Variants in MTBP observed in about 807,000 individuals in gnomAD.
MTBP encodes the protein MDM2 binding protein, also known as mdm2-binding protein.
In MTBP, 101 loss-of-function variants were observed where a neutral mutation model predicts 117.0. That is an observed-to-expected ratio of 0.86 (90% CI 0.73 to 1.02). The LOEUF is 1.02. Among genes scored for constraint, MTBP ranks in the 50% least tolerant of loss-of-function variants. MTBP has a pLI of 0.00. For missense variants in MTBP, 970 were observed against 1,030.9 expected, an observed-to-expected ratio of 0.94 and a Z score of 0.81; for synonymous variants, 350 against 351.5, an observed-to-expected ratio of 1.00 and a Z score of 0.05.
At chr8:120,455,111 A>G (rs960694283) in intron 5 of MTBP, among the ~76,000 whole-genome samples, 1 of 151,882 alleles carries the variant, frequency 6.6e-6, no homozygotes, top group Non-Finnish European at 1.5e-5. Flanking sequence ...ATTGATGATC[A>G]TGAGAGTGAT....
At chr8:120,473,372 G>A (rs1813863337) in intron 11 of MTBP, 1 of 152,122 alleles carries the variant, frequency 6.6e-6, no homozygotes, top group South Asian at 2.1e-4. Context: ...ACCCTAGCAA[G>A]TTATCGTTAA....
intron 11 of MTBP, among the ~76,000 whole-genome samples, chr8:120,478,374 A>C (rs1386474481): frequency 1.3e-5 from 2 of 152,042 alleles, no homozygotes; most frequent in South Asian, 4.2e-4. Flanking sequence ...CATTCTGTAC[A>C]TGTATCCCAG....
At chr8:120,513,473 CT>C (rs1814855793) in intron 17 of MTBP, among the ~76,000 whole-genome samples, 1 of 151,952 alleles carries the variant, frequency 6.6e-6, no homozygotes, top group South Asian at 2.1e-4. Context: ...CTCTCTGTTT[CT>C]TTTCTCTAAT....
intron 11 of MTBP, among the ~76,000 whole-genome samples, chr8:120,479,643 T>C (rs1253239631): frequency 3.9e-5 from 6 of 152,154 alleles, no homozygotes; most frequent in Non-Finnish European, 1.5e-5. Flanking sequence ...ATACACACGA[T>C]ATCCTCCAAT....
chr8:120,480,473 G>A (rs996000595), intron 11 of MTBP, among the ~76,000 whole-genome samples: 12 of 152,088 alleles, frequency 7.9e-5, no homozygotes, highest in Middle Eastern at 3.4e-3. Context: ...AAAGCAACTA[G>A]AATGGCCAGA....
chr8:120,492,713 A>G (rs1349451010), intron 13 of MTBP, among the ~76,000 whole-genome samples: 1 of 152,192 alleles, frequency 6.6e-6, no homozygotes, highest in Non-Finnish European at 1.5e-5. Context: ...TAATAACACT[A>G]TTGAGGCACT....
intron 11 of MTBP, among the ~76,000 whole-genome samples, chr8:120,474,216 T>C (rs539026330): frequency 6.6e-6 from 1 of 152,120 alleles, no homozygotes; most frequent in East Asian, 1.9e-4. Flanking sequence ...TGTTGATTAC[T>C]GATTAGGCTG....
chr8:120,445,643 T>C (rs1813208967), intron 1 of MTBP, 55 bp downstream of exon 1: 1 of 1,398,034 alleles, frequency 7.2e-7, no homozygotes, highest in Non-Finnish European at 9.9e-7. Flanking sequence ...GGAAGAAGTT[T>C]GAGTTTTGTG....
chr8:120,480,174 A>T (rs1212941636), intron 11 of MTBP, among the ~76,000 whole-genome samples: 1 of 151,768 alleles, frequency 6.6e-6, no homozygotes, highest in Non-Finnish European at 1.5e-5. Flanking sequence ...CTTTCTATAG[A>T]AATTGACAAA....
Position 120,488,184 on chromosome 8 carries a change from G to A in MTBP, c.1191G>A (p.Glu397=). ...ISVPDVEVKG[E]CSSYYLLLQG... is the part of the protein sequence containing the mutation. ...TTCCAGATGTTGAAGTGAAAGGAGA[G>A]TGTTCTAGCTATTATCTCTTGTTAC... Residue 397 remains glutamate (E), a synonymous_variant, in exon 12 of 22, where the codon GAG becomes GAA. Transcript: ENST00000305949. 6.3e-7 allele frequency: 1 copy of A among 1,582,638 alleles called. No homozygotes were observed. The highest frequency in any genetic ancestry group is 8.6e-7 in the Non-Finnish European group (1 of 1,169,478).
In MTBP at chr8:120,451,316, T is replaced by C. The variant is rs370890748; in HGVS notation, c.419T>C (p.Leu140Ser). Reference protein sequence around the residue: ...EDSNSRESLSLADLYEEAAEN... With the variant: ...EDSNSRESLSSADLYEEAAEN... Reference sequence around the variant, plus strand: ...AGTAATAGCAGGGAATCATTATCCTTGGCTGAGTATGCTTATATGGTTTTT... The same window carrying C: ...AGTAATAGCAGGGAATCATTATCCTCGGCTGAGTATGCTTATATGGTTTTT... The change falls in exon 4 of 22, where the codon TTG (leucine) becomes TCG (serine). Residue 140 changes from leucine to serine, a missense_variant. Physicochemically the swap from Leu to Ser is moderately radical, Grantham distance 145. Transcript: ENST00000305949. 1 of 1,611,342 alleles carries C rather than the reference T, an allele frequency of 6.2e-7. No homozygotes were observed. Among genetic ancestry groups the C allele is most frequent in the Non-Finnish European group, 8.5e-7 (1 of 1,177,828 alleles).
At chr8:120,480,897 C>A (rs2130566984) in intron 11 of MTBP, among the ~76,000 whole-genome samples, 1 of 152,130 alleles carries the variant, frequency 6.6e-6, no homozygotes, top group Admixed American at 6.5e-5. Context: ...CTATTAAGAA[C>A]ATTTAAAAAC....
chr8:120,488,368 A>G (rs376416854), intron 12 of MTBP, 36 bp downstream of exon 12: 23 of 1,450,658 alleles, frequency 1.6e-5, no homozygotes, highest in Middle Eastern at 1.8e-4. Context: ...ACATGTTTAC[A>G]TTGTTTGTGT....
In MTBP at chr8:120,451,326, T is replaced by C. The variant is rs773620857; in HGVS notation, c.425+4T>C. On this transcript the variant is annotated splice_donor_region_variant and intron_variant, in intron 4 of 21. Transcript: ENST00000305949. ...GGGAATCATTATCCTTGGCTGAGTATGCTTATATGGTTTTTGTATTATCAT... is the reference window on the plus strand; with the variant it reads ...GGGAATCATTATCCTTGGCTGAGTACGCTTATATGGTTTTTGTATTATCAT... The C allele has an allele frequency of 2.1e-5, 34 of 1,608,918 alleles. No homozygotes were observed. The South Asian group carries it at 3.6e-4, about 17-fold the overall frequency.
intron 11 of MTBP, among the ~76,000 whole-genome samples, chr8:120,487,701 C>T (rs1814248351): frequency 6.6e-6 from 1 of 152,164 alleles, no homozygotes; most frequent in Non-Finnish European, 1.5e-5. Flanking sequence ...TCTCCATTCC[C>T]TCTGTAAAAT....
intron 19 of MTBP, among the ~76,000 whole-genome samples, 177 bp from the exon 20 acceptor site, chr8:120,518,527 C>T (rs1276350305): frequency 2.0e-5 from 3 of 148,930 alleles, no homozygotes; most frequent in African/African-American, 7.3e-5. Context: ...TCCTGTGACA[C>T]TTCTGACCAT....
At chr8:120,475,519 G>A (rs1305755275) in intron 11 of MTBP, among the ~76,000 whole-genome samples, 1 of 151,820 alleles carries the variant, frequency 6.6e-6, no homozygotes, top group Non-Finnish European at 1.5e-5. Context: ...GTATTAATTT[G>A]AACCATCTGA....
intron 9 of MTBP, 88 bp downstream of exon 9, chr8:120,461,343 G>T: frequency 1.1e-6 from 1 of 881,536 alleles, no homozygotes; most frequent in South Asian, 1.6e-5. Flanking sequence ...ATACATGTTA[G>T]GTATATCTTT....
intron 11 of MTBP, among the ~76,000 whole-genome samples, chr8:120,486,639 T>C (rs1216077702): frequency 1.3e-5 from 2 of 152,168 alleles, no homozygotes; most frequent in East Asian, 3.9e-4. Flanking sequence ...CATGAGATGC[T>C]GTAACCCTTT....
Sources: gnomAD v4.1 joint callset for allele counts (sites outside exome capture counted in the v4.1 genomes callset) on GRCh38, gnomAD v4.1.1 for gene constraint, MANE v1.5 for transcripts, NCBI Gene and HGNC (gene_info 2026-07-23, HGNC 2026-07-21) for gene names.